Variants in TXNRD1 observed in about 807,000 individuals in gnomAD.
TXNRD1 encodes the protein thioredoxin reductase 1.
A neutral mutation model predicts 80.3 loss-of-function variants in TXNRD1; 57 were observed. The observed-to-expected ratio is 0.71, with a 90% CI of 0.57 to 0.89. TXNRD1 has a LOEUF of 0.89. Ranked by LOEUF, TXNRD1 falls within the 40% of genes least tolerant of loss-of-function variation. The pLI is 0.00. For synonymous variants in TXNRD1, 291 were observed against 285.2 expected (o/e 1.02, Z -0.20); for missense variants, 730 against 803.0 (o/e 0.91, Z 1.10).
chr12:104,255,790 T>TCAA (rs567452057), intron 2 of TXNRD1, among the ~76,000 whole-genome samples: 7 of 152,130 alleles, frequency 4.6e-5, no homozygotes, highest in Non-Finnish European at 7.4e-5. Flanking sequence ...TGAAACTGTC[T>TCAA]CAACAACAAC....
intron 1 of TXNRD1, among the ~76,000 whole-genome samples, chr12:104,229,346 C>T (rs1481000624): frequency 2.6e-5 from 4 of 151,668 alleles, no homozygotes; most frequent in Non-Finnish European, 5.9e-5. Context: ...CAGGGTTTCA[C>T]CGTGTTGCCC....
intron 1 of TXNRD1, among the ~76,000 whole-genome samples, chr12:104,246,451 C>A (rs528791184): frequency 9.3e-5 from 14 of 150,524 alleles, no homozygotes; most frequent in African/African-American, 3.2e-4. Context: ...AACAAAAAAA[C>A]AAAAAACTTT....
intron 1 of TXNRD1, among the ~76,000 whole-genome samples, chr12:104,227,496 G>A (rs1161328651): frequency 6.6e-6 from 1 of 152,102 alleles, no homozygotes; most frequent in Non-Finnish European, 1.5e-5. Flanking sequence ...CAAACTCCTG[G>A]CATCAAGCCA....
chr12:104,345,533 G>A (rs578243060), intron 16 of TXNRD1, among the ~76,000 whole-genome samples: 6 of 152,284 alleles, frequency 3.9e-5, no homozygotes, highest in Non-Finnish European at 7.4e-5. Flanking sequence ...GATTCTCAGC[G>A]CCTGGGGCAT....
Position 104,242,288 on chromosome 12 carries a change from G to A in TXNRD1, c.92-9239G>A, listed in dbSNP as rs190420234. On this transcript the variant is annotated intron_variant, in intron 1 of 16. Coordinates refer to ENST00000525566, the MANE Select transcript of TXNRD1 (RefSeq NM_001093771.3). ...GTAGTGTCTGGGTGCGGCGGCTCACGCCTGTAATCCCAGCACTTTGGGAGG... is the reference window on the plus strand; with the variant it reads ...GTAGTGTCTGGGTGCGGCGGCTCACACCTGTAATCCCAGCACTTTGGGAGG... Among the ~76,000 whole-genome samples, 933 of 150,920 alleles carry A rather than the reference G, an allele frequency of 6.2e-3. 29 individuals are homozygous for A. The highest frequency in any genetic ancestry group is 0.048 in the Admixed American group (729 of 15,176).
intron 4 of TXNRD1, among the ~76,000 whole-genome samples, chr12:104,297,247 G>A (rs925497297): frequency 6.6e-6 from 1 of 150,442 alleles, no homozygotes; most frequent in African/African-American, 2.4e-5. Flanking sequence ...GGAGGTTGCG[G>A]TGAGCGGAGA....
At chr12:104,265,743 C>G (rs2033470268) in intron 3 of TXNRD1, 1 of 1,596,858 alleles carries the variant, frequency 6.3e-7, no homozygotes, top group Non-Finnish European at 8.5e-7. Flanking sequence ...TCAAGCAGTT[C>G]CACGACTCCA....
In TXNRD1 at chr12:104,288,989, C is replaced by T; in HGVS notation, c.363C>T (p.Pro121=). The T allele has an allele frequency of 1.9e-6, 3 of 1,613,966 alleles. No homozygotes were observed. The highest frequency in any genetic ancestry group is 1.1e-5 in the South Asian group (1 of 91,084). Residue 121 remains proline, a synonymous_variant, in exon 4 of 17, where the codon CCC becomes CCT. Coordinates refer to ENST00000525566, the MANE Select transcript of TXNRD1 (RefSeq NM_001093771.3). ...AATTGGCCGCGGAAACCGATCTGCC[C>T]GTTGTGTTTGTGAAACAGAGAAAGA... ...LSELAAETDL[P]VVFVKQRKIG... is the part of the protein sequence containing the mutation.
At chr12:104,339,012 G>T in intron 15 of TXNRD1, 127 bp from the exon 16 acceptor site, 3 of 1,304,046 alleles carry the variant, frequency 2.3e-6, no homozygotes, top group Non-Finnish European at 3.1e-6. Context: ...CACTGCGCCC[G>T]GCCAGTCTCT....
At chr12:104,319,137 T>TATAATAAAAGTAATAGCC in intron 8 of TXNRD1, 82 bp downstream of exon 8, 1 of 1,476,992 alleles carries the variant, frequency 6.8e-7, no homozygotes, top group Non-Finnish European at 9.0e-7. Flanking sequence ...GTTAAAGTAT[T>TATAATAAAAGTAATAGCC]ATAATAAAAG....
chr12:104,247,138 G>A (rs1433274824), intron 1 of TXNRD1, among the ~76,000 whole-genome samples: 1 of 151,982 alleles, frequency 6.6e-6, no homozygotes, highest in African/African-American at 2.4e-5. Flanking sequence ...CGCAACCTCA[G>A]CTCACTGCAA....
chr12:104,328,572 T>C (rs1375450451), intron 13 of TXNRD1, among the ~76,000 whole-genome samples: 1 of 152,084 alleles, frequency 6.6e-6, no homozygotes, highest in African/African-American at 2.4e-5. Context: ...CTGGCTAACA[T>C]GGTGAAACCC....
chr12:104,294,233 G>GGGGCCCC (rs60817773), intron 4 of TXNRD1, among the ~76,000 whole-genome samples: 1 of 68,884 alleles, frequency 1.5e-5, no homozygotes, highest in Non-Finnish European at 2.8e-5. Flanking sequence ...CCGGGGAAAG[G>GGGGCCCC]CCCCCCCCCC....
chr12:104,256,630 T>G (rs939338352), intron 2 of TXNRD1, among the ~76,000 whole-genome samples: 3 of 151,406 alleles, frequency 2.0e-5, no homozygotes, highest in Non-Finnish European at 4.4e-5. Flanking sequence ...AATACAAAAA[T>G]TGGCTGGGTG....
At chr12:104,222,125 A>C (rs2032370269) in intron 1 of TXNRD1, among the ~76,000 whole-genome samples, 1 of 152,174 alleles carries the variant, frequency 6.6e-6, no homozygotes, top group Non-Finnish European at 1.5e-5. Flanking sequence ...TAATGCAATT[A>C]AGCAAAATAC....
chr12:104,307,164 C>G (rs2034949530), intron 4 of TXNRD1, among the ~76,000 whole-genome samples: 1 of 152,122 alleles, frequency 6.6e-6, no homozygotes, highest in Admixed American at 6.6e-5. Context: ...ATTAAACTGA[C>G]TGCTTACCTT....
intron 1 of TXNRD1, among the ~76,000 whole-genome samples, chr12:104,220,850 G>A (rs912373715): frequency 6.6e-6 from 1 of 152,064 alleles, no homozygotes; most frequent in African/African-American, 2.4e-5. Flanking sequence ...TAAAACATCA[G>A]GGAATATTTC....
chr12:104,233,184 C>T (rs1004284549), intron 1 of TXNRD1, among the ~76,000 whole-genome samples: 2 of 152,206 alleles, frequency 1.3e-5, no homozygotes, highest in African/African-American at 4.8e-5. Flanking sequence ...TATTCCCTTA[C>T]TATATTTAAC....
At chr12:104,226,375 T>C (rs1308362933) in intron 1 of TXNRD1, among the ~76,000 whole-genome samples, 3 of 152,190 alleles carry the variant, frequency 2.0e-5, no homozygotes, top group African/African-American at 7.2e-5. Context: ...CACTGTAGAA[T>C]ACCTTTATCA....
Sources: allele counts gnomAD v4.1 joint callset (sites outside exome capture counted in the v4.1 genomes callset), GRCh38; gene constraint gnomAD v4.1.1; transcripts MANE v1.5; gene names NCBI Gene and HGNC (gene_info 2026-07-23, HGNC 2026-07-21).